MAST4: variants seen among roughly 807,000 people sequenced by gnomAD.
The protein encoded by MAST4 is microtubule-associated serine/threonine-protein kinase 4.
Under a neutral mutation model 162.7 loss-of-function variants are expected in MAST4, and 89 were observed. That is an observed-to-expected ratio of 0.55 (90% CI 0.46 to 0.65). MAST4 has a LOEUF of 0.65. Ranked by LOEUF, MAST4 falls within the 30% of genes least tolerant of loss-of-function variation. The probability of loss-of-function intolerance (pLI) is 0.00; values close to 1 mark genes in which losing one functional copy is unlikely to be tolerated. For missense variants in MAST4, 3,153 were observed against 3,374.0 expected, an observed-to-expected ratio of 0.93 and a Z score of 1.62; for synonymous variants, 1,479 against 1,361.1, an observed-to-expected ratio of 1.09 and a Z score of -1.91.
intron 3 of MAST4, among the ~76,000 whole-genome samples, chr5:66,880,131 T>C (rs1761595792): frequency 6.6e-6 from 1 of 152,358 alleles, no homozygotes; most frequent in African/African-American, 2.4e-5. Flanking sequence ...TGCACTGATA[T>C]AAAAGAATCT....
chr5:66,779,591 G>C (rs1266289221), intron 2 of MAST4, among the ~76,000 whole-genome samples: 1 of 152,112 alleles, frequency 6.6e-6, no homozygotes, highest in South Asian at 2.1e-4. Flanking sequence ...GAAATTGGAA[G>C]TCAGTCACCC....
In MAST4 at chr5:67,164,318, C is replaced by T. The variant is rs918509391; in HGVS notation, c.5139C>T (p.Gly1713=). The T allele has an allele frequency of 1.2e-6, 2 of 1,613,968 alleles. No individual in the cohort carries two copies. Among genetic ancestry groups the T allele is most frequent in the Non-Finnish European group, 1.7e-6 (2 of 1,179,880 alleles). Residue 1713 remains glycine, a synonymous_variant, in exon 29 of 29, where the codon GGC becomes GGT. Coordinates refer to ENST00000403625, the MANE Select transcript of MAST4 (RefSeq NM_001164664.2). This position sits in a 1 kb window ranked among gnomAD's most constrained non-coding sequence, Gnocchi z 5.3. ...TGCTGAAGCCCAAGATGACAGCTGG[C>T]TCCCACGAATGCCTGCCAGGGAACC... ...CPVLKPKMTA[G]SHECLPGNPV...
intron 5 of MAST4, among the ~76,000 whole-genome samples, chr5:67,083,371 C>T (rs1159880): frequency 0.014 from 2,142 of 151,980 alleles, 32 homozygotes; most frequent in African/African-American, 0.037. Flanking sequence ...TTAAATTTAG[C>T]ATTTATTTTT....
intron 3 of MAST4, among the ~76,000 whole-genome samples, chr5:66,821,104 A>G (rs1756973145): frequency 3.3e-5 from 5 of 152,230 alleles, no homozygotes. Context: ...ATTTTTGCTA[A>G]ATGAAATGTG....
At chr5:66,647,066 A>G (rs80259085) in intron 1 of MAST4, among the ~76,000 whole-genome samples, 3,718 of 152,202 alleles carry the variant, frequency 0.024, 161 homozygotes, top group African/African-American at 0.086. Context: ...TTAACTGGCC[A>G]TAATATTATA....
chr5:67,015,242 C>A (rs948216669), intron 4 of MAST4, among the ~76,000 whole-genome samples: 7 of 152,088 alleles, frequency 4.6e-5, no homozygotes, highest in Admixed American at 3.9e-4. Context: ...GATTATAGTC[C>A]TCGTTTTAAG....
intron 14 of MAST4, among the ~76,000 whole-genome samples, chr5:67,128,207 T>C (rs923685827): frequency 6.6e-6 from 1 of 152,198 alleles, no homozygotes; most frequent in South Asian, 2.1e-4. Context: ...GTTTAAATAT[T>C]TGTTTAAATT....
At chr5:66,947,584 G>T (rs1744187254) in intron 4 of MAST4, among the ~76,000 whole-genome samples, 3 of 152,086 alleles carry the variant, frequency 2.0e-5, no homozygotes, top group Admixed American at 1.3e-4. Flanking sequence ...GCTTCTCTGT[G>T]CAGCCTCTTT....
intron 4 of MAST4, among the ~76,000 whole-genome samples, chr5:67,032,014 T>A (rs1307277049): frequency 6.6e-6 from 1 of 152,198 alleles, no homozygotes; most frequent in Non-Finnish European, 1.5e-5. Flanking sequence ...GAAGGGGTGC[T>A]TATTTGTCAA....
intron 2 of MAST4, among the ~76,000 whole-genome samples, chr5:66,771,906 G>A (rs1188793057): frequency 6.6e-6 from 1 of 152,032 alleles, no homozygotes; most frequent in African/African-American, 2.4e-5. Flanking sequence ...TGTGGCCCAG[G>A]CACAAGTAGG....
intron 4 of MAST4, among the ~76,000 whole-genome samples, chr5:67,036,570 G>T (rs559120123): frequency 6.6e-6 from 1 of 152,238 alleles, no homozygotes; most frequent in East Asian, 1.9e-4. Context: ...AGATGACATA[G>T]TATTTGTATA....
At chr5:67,065,298 C>T (rs994106842) in intron 5 of MAST4, among the ~76,000 whole-genome samples, 5 of 152,142 alleles carry the variant, frequency 3.3e-5, no homozygotes, top group African/African-American at 1.2e-4. Flanking sequence ...AGGACAGTTT[C>T]GGTGACCGTC....
rs186869342 is a variant in MAST4, at chr5:66,679,862, T to C, written c.364-79847T>C. On this transcript the variant is annotated intron_variant, in intron 1 of 28. Coordinates refer to ENST00000403625, the MANE Select transcript of MAST4 (RefSeq NM_001164664.2). ...TTGACCACTGCCCCTGGCCTGATGG[T>C]GGAATTCATCGTCCTTCAAAGCCCA... is the stretch of plus-strand genomic sequence containing the variant. Among the ~76,000 whole-genome samples the C allele has an allele frequency of 2.0e-3, 308 of 152,314 alleles. 1 individual carries two copies. The highest frequency in any genetic ancestry group is 7.0e-3 in the African/African-American group (293 of 41,570).
intron 5 of MAST4, among the ~76,000 whole-genome samples, chr5:67,075,368 T>G (rs1184516191): frequency 6.6e-6 from 1 of 151,840 alleles, no homozygotes; most frequent in Non-Finnish European, 1.5e-5. Flanking sequence ...AGAGACAGGG[T>G]TTCTCCATGT....
intron 2 of MAST4, among the ~76,000 whole-genome samples, chr5:66,762,624 G>A (rs1323402091): frequency 2.0e-5 from 3 of 152,296 alleles, no homozygotes; most frequent in African/African-American, 7.2e-5. Context: ...ACTAGTTTTA[G>A]GTAACCAAAT....
chr5:66,898,837 C>G (rs1228146674), intron 3 of MAST4, among the ~76,000 whole-genome samples: 1 of 152,220 alleles, frequency 6.6e-6, no homozygotes, highest in East Asian at 1.9e-4. Flanking sequence ...CTCCTCCCCT[C>G]TGGTCTGATG....
chr5:66,682,230 G>A (rs1226309467), intron 1 of MAST4, among the ~76,000 whole-genome samples: 2 of 152,166 alleles, frequency 1.3e-5, no homozygotes, highest in East Asian at 1.9e-4. Context: ...ATGGATTAGA[G>A]TCCACACCTG....
intron 1 of MAST4, among the ~76,000 whole-genome samples, chr5:66,662,100 TATC>T (rs1275298622): frequency 6.6e-6 from 1 of 152,078 alleles, no homozygotes; most frequent in Admixed American, 6.6e-5. Flanking sequence ...GAGCACTTAT[TATC>T]AGCCACTATT....
At position 66,596,531 on chromosome 5, in the gene MAST4, C is replaced by A; in HGVS notation, c.-125C>A. Reference sequence around the variant, plus strand: ...CACTGCCATGTAGTCGCTGGCGGGGCTCCCTGCAGCCCGGGAGCGGCAGTG... The same window carrying A: ...CACTGCCATGTAGTCGCTGGCGGGGATCCCTGCAGCCCGGGAGCGGCAGTG... On this transcript the variant is annotated 5_prime_UTR_variant, in exon 1 of 29. Transcript: ENST00000403625. 1.7e-6 allele frequency: 2 copies of A among 1,166,196 alleles called. No homozygotes were observed. Among genetic ancestry groups the A allele is most frequent in the Non-Finnish European group, 1.1e-6 (1 of 915,882 alleles). 72.2% of individuals were successfully genotyped at this position (1,166,196 alleles called of 1,614,324 possible).
Sources: allele counts gnomAD v4.1 joint callset (sites outside exome capture counted in the v4.1 genomes callset), GRCh38; gene constraint gnomAD v4.1.1; non-coding constraint Gnocchi (gnomAD v3.1); transcripts MANE v1.5; gene names NCBI Gene and HGNC (gene_info 2026-07-23, HGNC 2026-07-21).